The following GGT5 variants were observed in gnomAD, a reference collection of about 807,000 sequenced individuals.
GGT5 encodes the protein glutathione hydrolase 5 proenzyme.
GGT5 carries 50 observed loss-of-function variants against 58.1 expected under a neutral mutation model. The ratio of observed to expected loss-of-function variants is 0.86; its 90% CI spans 0.69 to 1.09. The LOEUF (loss-of-function observed/expected upper bound fraction) is 1.09, where lower values mean the gene tolerates loss of function less well. GGT5 is among the 50% of genes least tolerant of loss of function. The pLI is 0.00. For missense variants in GGT5, 800 were observed against 789.4 expected, an observed-to-expected ratio of 1.01 and a Z score of -0.16; for synonymous variants, 370 against 346.1, an observed-to-expected ratio of 1.07 and a Z score of -0.77.
At chr22:24,244,376 CCA>C in intron 1 of GGT5, 175 bp downstream of exon 1, 1 of 631,328 alleles carries the variant, frequency 1.6e-6, no homozygotes, top group Non-Finnish European at 2.8e-6. Context: ...CCCACACTCC[CCA>C]CACTCACACT....
At position 24,232,866 on chromosome 22, in the gene GGT5, G is replaced by A. The variant is rs556791183; in HGVS notation, c.553C>T (p.His185Tyr). ...AAGGAAGGCCGCAGGATGCTGTTGTGCAGGAAACGGCTGAGGACAGGGGCC... is the reference window on the plus strand; with the variant it reads ...AAGGAAGGCCGCAGGATGCTGTTGTACAGGAAACGGCTGAGGACAGGGGCC... The part of the protein sequence containing the change: ...VVAPVLSRFL[H>Y]NSILRPSLQA... Residue 185 changes from histidine to tyrosine, a missense_variant, in exon 4 of 12, where the codon CAC becomes TAC. By Grantham distance (83) the His-to-Tyr change is moderately conservative. Transcript: ENST00000327365. 1 of 1,575,806 alleles carries A rather than the reference G, an allele frequency of 6.3e-7. No individual in the cohort carries two copies. The highest frequency in any genetic ancestry group is 8.6e-7 in the Non-Finnish European group (1 of 1,159,500).
At chr22:24,226,348 C>T in intron 7 of GGT5, 82 bp from the exon 8 acceptor site, 1 of 1,104,360 alleles carries the variant, frequency 9.1e-7, no homozygotes, top group Non-Finnish European at 1.3e-6. Context: ...GATCAGCCCC[C>T]ATGGGGGCCA....
chr22:24,231,549 G>A lies in GGT5; in HGVS notation c.755-19C>T. 1 of 1,584,048 alleles carries A rather than the reference G, an allele frequency of 6.3e-7. No homozygotes were observed. The highest frequency in any genetic ancestry group is 1.8e-5 in the Admixed American group (1 of 55,800). On this transcript the variant is annotated intron_variant, in intron 5 of 11. Coordinates refer to ENST00000327365, the MANE Select transcript of GGT5 (RefSeq NM_004121.5). The stretch of plus-strand genomic sequence containing the variant: ...TGGCTCCCTGGGATGAGAAGGAGAG[G>A]GCTCCATGAACAGATGGGAAACTGA...
Position 24,232,191 on chromosome 22 carries a change from C to A in GGT5, c.614G>T (p.Gly205Val). The A allele has an allele frequency of 6.5e-7, 1 of 1,527,654 alleles. No homozygotes were observed. The highest frequency in any genetic ancestry group is 1.2e-5 in the South Asian group (1 of 82,934). The allele number at this position is 1,527,654 out of a possible 1,614,324, so 94.6% of individuals were successfully genotyped here. A position where few individuals can be genotyped will look rare whatever the true frequency, so the allele number is the denominator to read the frequency against. Residue 205 changes from glycine (G) to valine (V), a missense_variant, in exon 5 of 12, where the codon GGG (glycine) becomes GTG (valine). Coordinates refer to ENST00000327365, the MANE Select transcript of GGT5 (RefSeq NM_004121.5). ...GTCCTGAGGCCTCAGGGGTTCTGTC[C>A]CGTTGAAGAAGAGCTGGCTGGGGGG... The part of the protein sequence containing the change: ...ASTLRQLFFN[G>V]TEPLRPQDPL...
chr22:24,232,234 TG>T, intron 4 of GGT5, 26 bp from the exon 5 acceptor site: 6 of 961,614 alleles, frequency 6.2e-6, no homozygotes, highest in Middle Eastern at 3.2e-4. Context: ...AGCCTCAGGG[TG>T]GGGCCAGGTC....
At position 24,226,761 on chromosome 22, in the gene GGT5, T is replaced by C. The variant is rs1445772052; in HGVS notation, c.908A>G (p.Asn303Ser). The C allele has an allele frequency of 2.5e-6, 4 of 1,613,968 alleles. No individual in the cohort carries two copies. The East Asian group carries it at 8.9e-5, about 36-fold the overall frequency. ...CCTGGCCATAGACTCTGTTGAGAAGTTGAACCCTGGAGAGAGGTTGGGGCA... is the reference window on the plus strand; with the variant it reads ...CCTGGCCATAGACTCTGTTGAGAAGCTGAACCCTGGAGAGAGGTTGGGGCA... ...SFILNVLRGF[N>S]FSTESMARPE... is the part of the protein sequence containing the mutation. The change falls in exon 7 of 12, where the codon AAC (asparagine) becomes AGC (serine). Residue 303 changes from asparagine to serine, a missense_variant. By Grantham distance (46) the Asn-to-Ser change is conservative (BLOSUM62 1). Transcript: ENST00000327365.
intron 6 of GGT5, among the ~76,000 whole-genome samples, chr22:24,229,691 A>T (rs5760268): frequency 0.27 from 40,271 of 150,902 alleles, 5,340 homozygotes; most frequent in South Asian, 0.3. Flanking sequence ...ATAAATAAAT[A>T]AATTAATTAA....
At chr22:24,234,324 C>T in intron 1 of GGT5, among the ~76,000 whole-genome samples, 1 of 152,202 alleles carries the variant, frequency 6.6e-6, no homozygotes, top group East Asian at 1.9e-4. Context: ...AGAACGAGGC[C>T]TCGGCCACCT....
rs1569372065 is a variant in GGT5 at position 24,238,873 on chromosome 22, TAA to T, written c.174-4871_174-4870del. On this transcript the variant is annotated intron_variant, in intron 1 of 11. Transcript: ENST00000327365. ...ATATATATTATATATATAATATATA[TAA>T]TATATATTATATATTTTATATATAT... is the stretch of plus-strand genomic sequence containing the variant. Among the ~76,000 whole-genome samples, 42 of 11,766 alleles carry T rather than the reference TAA, an allele frequency of 3.6e-3. 3 individuals are homozygous for T. Among genetic ancestry groups the T allele is most frequent in the African/African-American group, 4.5e-3 (9 of 1,992 alleles). 7.7% of individuals were successfully genotyped at this position (11,766 alleles called of 152,430 possible). A position where few individuals can be genotyped will look rare whatever the true frequency, so the allele number is the denominator to read the frequency against.
chr22:24,233,560 A>C lies in GGT5; in HGVS notation c.338T>G (p.Val113Gly), dbSNP rs1241297040. 1 of 1,609,310 alleles carries C rather than the reference A, an allele frequency of 6.2e-7. No individual in the cohort carries two copies. Among genetic ancestry groups the C allele is most frequent in the East Asian group, 2.2e-5 (1 of 44,862 alleles). ...KVEVINARET[V>G]PASHAPSLLD... ...CAGGCTCGGGGCGTGGCTGGCCGGC[A>C]CCGTCTCCCGGGCATTGATGACCTC... Residue 113 changes from valine (V) to glycine (G), a missense_variant, in exon 3 of 12, where the codon GTG (valine) becomes GGG (glycine). Val to Gly is a moderately radical substitution (Grantham distance 109). Coordinates refer to ENST00000327365, the MANE Select transcript of GGT5 (RefSeq NM_004121.5).
Position 24,232,228 on chromosome 22 carries a change from TCA to T in GGT5, c.597-22_597-21del. The T allele has an allele frequency of 1.1e-6, 1 of 882,808 alleles. No individual in the cohort carries two copies. Among genetic ancestry groups the T allele is most frequent in the Non-Finnish European group, 1.7e-6 (1 of 586,914 alleles). 54.7% of individuals were successfully genotyped at this position (882,808 alleles called of 1,614,324 possible). A position where few individuals can be genotyped will look rare whatever the true frequency, so the allele number is the denominator to read the frequency against. ...AGCTGGCTGGGGGGTGGGGGGAGCC[TCA>T]GGGTGGGGCCAGGTCCCAGAGGCAG... On this transcript the variant is annotated intron_variant, in intron 4 of 11. Transcript: ENST00000327365.
intron 1 of GGT5, among the ~76,000 whole-genome samples, chr22:24,240,456 A>G (rs1207297728): frequency 6.6e-6 from 1 of 152,014 alleles, no homozygotes; most frequent in Non-Finnish European, 1.5e-5. Context: ...AATGAAAAAT[A>G]TATCATGCAT....
intron 11 of GGT5, among the ~76,000 whole-genome samples, chr22:24,223,188 G>C (rs1259055147): frequency 6.6e-6 from 1 of 152,170 alleles, no homozygotes; most frequent in African/African-American, 2.4e-5. Flanking sequence ...GATCACTTGA[G>C]ATTGGGAGCT....
In GGT5 at chr22:24,228,049, AAAAAAAAAAAAAAAAAACAAAAC is replaced by A. The variant is rs1420169900; in HGVS notation, c.902-1305_902-1283del. 4.1e-5 allele frequency among the ~76,000 whole-genome samples: 4 copies of A among 96,956 alleles called. 1 individual carries two copies. Among genetic ancestry groups the A allele is most frequent in the African/African-American group, 8.1e-5 (2 of 24,834 alleles). 63.6% of individuals were successfully genotyped at this position (96,956 alleles called of 152,430 possible). A position where few individuals can be genotyped will look rare whatever the true frequency, so the allele number is the denominator to read the frequency against. ...AGTAAACAGAGCAAGACTCTGTCTC[AAAAAAAAAAAAAAAAAACAAAAC>A]AAAAAAAAAAAAACTCTGAAAAATA... On this transcript the variant is annotated intron_variant, in intron 6 of 11. Coordinates refer to ENST00000327365, the MANE Select transcript of GGT5 (RefSeq NM_004121.5).
At chr22:24,221,508 G>T (rs2047588488) in intron 11 of GGT5, among the ~76,000 whole-genome samples, 2 of 152,130 alleles carry the variant, frequency 1.3e-5, no homozygotes, top group Admixed American at 6.5e-5. Context: ...ATTTCCAGGG[G>T]TTTTTTGTGT....
intron 11 of GGT5, chr22:24,220,792 G>C: frequency 2.5e-6 from 1 of 407,574 alleles, no homozygotes; most frequent in African/African-American, 2.1e-5. Flanking sequence ...AGCACTTTGG[G>C]AGGCCGGCGC....
intron 11 of GGT5, among the ~76,000 whole-genome samples, chr22:24,221,841 T>C (rs1184801616): frequency 6.6e-6 from 1 of 151,620 alleles, no homozygotes; most frequent in Non-Finnish European, 1.5e-5. Flanking sequence ...CTATCAGCAC[T>C]CCTGGCTCAT....
At chr22:24,239,821 C>G (rs1207859657) in intron 1 of GGT5, among the ~76,000 whole-genome samples, 1 of 151,810 alleles carries the variant, frequency 6.6e-6, no homozygotes, top group South Asian at 2.1e-4. Context: ...GTGGCTCACG[C>G]CTGTAATCCC....
At chr22:24,224,674 G>A (rs1230523138) in intron 11 of GGT5, among the ~76,000 whole-genome samples, 3 of 152,212 alleles carry the variant, frequency 2.0e-5, no homozygotes, top group African/African-American at 4.8e-5. Context: ...AAGTCACCAT[G>A]AGGGAGAGTC....
Sources: allele counts gnomAD v4.1 joint callset (sites outside exome capture counted in the v4.1 genomes callset), GRCh38; gene constraint gnomAD v4.1.1; transcripts MANE v1.5; gene names NCBI Gene and HGNC (gene_info 2026-07-23, HGNC 2026-07-21).